CHD2: variants seen among roughly 807,000 people sequenced by gnomAD.
CHD2 encodes ATP-dependent chromatin remodeler CHD2.
CHD2 carries 28 observed loss-of-function variants against 243.9 expected under a neutral mutation model. That is an observed-to-expected ratio of 0.11 (90% CI 0.09 to 0.16). The LOEUF is 0.16. CHD2 is among the 10% of genes least tolerant of loss of function. CHD2 has a pLI of 1.00. For synonymous variants in CHD2, 775 were observed against 779.0 expected, an observed-to-expected ratio of 0.99 and a Z score of 0.09; for missense variants, 1,386 against 2,209.8, an observed-to-expected ratio of 0.63 and a Z score of 7.47.
chr15:92,968,044 A>T (rs2053790300), intron 17 of CHD2, among the ~76,000 whole-genome samples: 1 of 152,028 alleles, frequency 6.6e-6, no homozygotes, highest in African/African-American at 2.4e-5. Flanking sequence ...AGCTCCATGC[A>T]TTTTGCTTGT....
intron 10 of CHD2, 64 bp downstream of exon 10, chr15:92,944,579 G>A: frequency 2.5e-6 from 2 of 798,500 alleles, no homozygotes. Flanking sequence ...TTTGCTTTTG[G>A]AAGTAATGTA....
intron 38 of CHD2, chr15:93,022,202 C>G (rs1468709852): frequency 6.6e-6 from 1 of 152,222 alleles, no homozygotes; most frequent in African/African-American, 2.4e-5. Context: ...GCACCAGCAT[C>G]TGGTTGGCTT....
intron 38 of CHD2, chr15:93,020,799 A>G (rs1273003893): frequency 1.3e-5 from 2 of 159,428 alleles, no homozygotes; most frequent in Admixed American, 1.2e-4. Context: ...ATTTAACCTC[A>G]TAGCAGCTTT....
At chr15:92,955,221 G>A (rs1201519796) in intron 14 of CHD2, among the ~76,000 whole-genome samples, 1 of 152,112 alleles carries the variant, frequency 6.6e-6, no homozygotes, top group Non-Finnish European at 1.5e-5. Context: ...AGCTTTTGCT[G>A]TTCGGTGGTC....
intron 31 of CHD2, 47 bp from the exon 32 acceptor site, chr15:93,000,465 G>T: frequency 1.3e-6 from 2 of 1,555,506 alleles, no homozygotes; most frequent in South Asian, 1.2e-5. Flanking sequence ...TTATGCTTTT[G>T]AGTGTCTTGA....
At chr15:93,001,034 C>G (rs1340670395) in intron 32 of CHD2, among the ~76,000 whole-genome samples, 1 of 151,840 alleles carries the variant, frequency 6.6e-6, no homozygotes, top group Non-Finnish European at 1.5e-5. Flanking sequence ...ACGCCAGGCT[C>G]ATTTTTGTAT....
intron 5 of CHD2, among the ~76,000 whole-genome samples, chr15:92,930,947 C>A (rs12901950): frequency 0.17 from 25,769 of 152,114 alleles, 2,914 homozygotes; most frequent in Non-Finnish European, 0.25. Context: ...TTCTGCTATT[C>A]TCTGGCCAGC....
At chr15:92,992,809 G>T (rs757354880) in intron 27 of CHD2, 50 bp from the exon 28 acceptor site, 1 of 1,600,744 alleles carries the variant, frequency 6.2e-7, no homozygotes. Flanking sequence ...TGACACTTAA[G>T]AAGAGTGGGC....
At chr15:92,942,357 T>A (rs1008394361) in intron 8 of CHD2, among the ~76,000 whole-genome samples, 2 of 152,104 alleles carry the variant, frequency 1.3e-5, no homozygotes, top group Admixed American at 6.6e-5. Flanking sequence ...TAAAGTAAAC[T>A]TTCTGTAAAG....
chr15:92,971,644 T>G (rs761901113), intron 17 of CHD2, 121 bp from the exon 18 acceptor site: 30 of 701,178 alleles, frequency 4.3e-5, no homozygotes, highest in Non-Finnish European at 6.2e-5. Context: ...TCTTTGCTTC[T>G]TAAACTTTTT....
intron 33 of CHD2, among the ~76,000 whole-genome samples, chr15:93,002,639 A>G (rs1284171087): frequency 6.6e-6 from 1 of 152,262 alleles, no homozygotes; most frequent in East Asian, 1.9e-4. Flanking sequence ...TCTCAGATTC[A>G]TATTAGAGGA....
At chr15:92,981,243 T>C in intron 23 of CHD2, 122 bp from the exon 24 acceptor site, 2 of 647,542 alleles carry the variant, frequency 3.1e-6, no homozygotes, top group Non-Finnish European at 5.4e-6. Context: ...AAATGAAATA[T>C]CAGAAAGGAG....
chr15:92,914,643 T>A (rs1269903619), intron 2 of CHD2, among the ~76,000 whole-genome samples: 1 of 152,204 alleles, frequency 6.6e-6, no homozygotes, highest in African/African-American at 2.4e-5. Context: ...GAATTTAGCC[T>A]TTTTATCCCT....
At chr15:92,931,319 C>T (rs769528232) in intron 5 of CHD2, among the ~76,000 whole-genome samples, 1 of 152,132 alleles carries the variant, frequency 6.6e-6, no homozygotes, top group Non-Finnish European at 1.5e-5. Context: ...AAGTGCAGTA[C>T]AAAGGACACC....
At chr15:92,903,858 TA>T (rs1452751291) in intron 2 of CHD2, among the ~76,000 whole-genome samples, 1 of 152,230 alleles carries the variant, frequency 6.6e-6, no homozygotes, top group Non-Finnish European at 1.5e-5. Context: ...TTTATTTTTA[TA>T]ACCTGAGGTG....
intron 17 of CHD2, among the ~76,000 whole-genome samples, chr15:92,969,007 T>C (rs2053804266): frequency 6.6e-6 from 1 of 152,256 alleles, no homozygotes; most frequent in African/African-American, 2.4e-5. Flanking sequence ...CAAGAAGTTC[T>C]GCATACTCCT....
intron 24 of CHD2, 88 bp downstream of exon 24, chr15:92,981,545 T>A: frequency 1.1e-6 from 1 of 940,560 alleles, no homozygotes; most frequent in Non-Finnish European, 1.6e-6. Context: ...TGCTAGGCGC[T>A]CTGCTTTTCT....
At chr15:92,906,143 A>T (rs1327855243) in intron 2 of CHD2, among the ~76,000 whole-genome samples, 1 of 152,216 alleles carries the variant, frequency 6.6e-6, no homozygotes, top group Non-Finnish European at 1.5e-5. Context: ...TAAGTTTTTT[A>T]TAGAACCAGT....
intron 38 of CHD2, among the ~76,000 whole-genome samples, chr15:93,022,983 G>T (rs1288859339): frequency 2.0e-5 from 3 of 152,162 alleles, no homozygotes; most frequent in Admixed American, 2.0e-4. Flanking sequence ...ATTTTGACTG[G>T]AACTTGAGAT....
Sources: gnomAD v4.1 joint callset for allele counts (sites outside exome capture counted in the v4.1 genomes callset) on GRCh38, gnomAD v4.1.1 for gene constraint, MANE v1.5 for transcripts, NCBI Gene and HGNC (gene_info 2026-07-23, HGNC 2026-07-21) for gene names.